The following KCNQ1 variants were observed in gnomAD, a reference collection of about 807,000 sequenced individuals.
KCNQ1 encodes the protein potassium voltage-gated channel subfamily Q member 1.
In KCNQ1, 49 loss-of-function variants were observed where a neutral mutation model predicts 72.4. The observed-to-expected ratio is 0.68, with a 90% CI of 0.54 to 0.86. The LOEUF (loss-of-function observed/expected upper bound fraction) is 0.86, where lower values mean the gene tolerates loss of function less well. KCNQ1 is among the 40% of genes least tolerant of loss of function. KCNQ1 has a pLI of 0.00. For synonymous variants in KCNQ1, 450 were observed against 412.6 expected (o/e 1.09, Z -1.10); for missense variants, 790 against 945.1 (o/e 0.84, Z 2.15).
At chr11:2,575,057 T>G (rs545628803) in intron 6 of KCNQ1, among the ~76,000 whole-genome samples, 1 of 152,248 alleles carries the variant, frequency 6.6e-6, no homozygotes, top group East Asian at 1.9e-4. Flanking sequence ...CAAAAGCCAG[T>G]GGGTACTGGC....
At chr11:2,650,753 C>A in intron 10 of KCNQ1, 2 of 398,586 alleles carry the variant, frequency 5.0e-6, no homozygotes, top group Non-Finnish European at 8.8e-6. Context: ...ACTTTGCTAC[C>A]CACAGGCAAT....
Position 2,449,689 on chromosome 11 carries a change from C to T in KCNQ1, c.386+4205C>T, listed in dbSNP as rs558439008. ...GGGCAGCTGAGATGGGCAGGAGCAC[C>T]GTGCCCACCGAGGGTGTCAGAGTGA... On this transcript the variant is annotated intron_variant, in intron 1 of 15. Coordinates refer to ENST00000155840, the MANE Select transcript of KCNQ1 (RefSeq NM_000218.3). 7.2e-5 allele frequency among the ~76,000 whole-genome samples: 11 copies of T among 152,218 alleles called. No individual in the cohort carries two copies. The East Asian group carries it at 1.2e-3, about 16-fold the overall frequency.
intron 13 of KCNQ1, 79 bp from the exon 14 acceptor site, chr11:2,776,907 C>A: frequency 7.1e-7 from 1 of 1,405,152 alleles, no homozygotes; most frequent in Non-Finnish European, 1.0e-6. Flanking sequence ...GCACGTCAAG[C>A]TGTCTGTCCC....
In KCNQ1 at chr11:2,463,601, ACTGGGG is replaced by A. The variant is rs1421042500; in HGVS notation, c.386+18131_386+18136del. Among the ~76,000 whole-genome samples, 5 of 151,976 alleles carry A rather than the reference ACTGGGG, an allele frequency of 3.3e-5. No homozygotes were observed. Among genetic ancestry groups the A allele is most frequent in the African/African-American group, 4.8e-5 (2 of 41,362 alleles). On this transcript the variant is annotated intron_variant, in intron 1 of 15. Transcript: ENST00000155840. This position sits in a 1 kb window ranked among gnomAD's most constrained non-coding sequence, Gnocchi z 7.0. ...CCTGGGCACCCTGCCTCTTCCGGGGACTGGGGCTGGGGCTGGGGCAGCTGTGTTTAT... is the reference window on the plus strand; with the variant it reads ...CCTGGGCACCCTGCCTCTTCCGGGGACTGGGGCTGGGGCAGCTGTGTTTAT...
intron 11 of KCNQ1, chr11:2,699,527 G>T (rs1471127341): frequency 3.3e-5 from 11 of 335,508 alleles, no homozygotes; most frequent in Non-Finnish European, 5.6e-5. Flanking sequence ...AGAGTGCCGC[G>T]CTGAGGAGGC....
intron 1 of KCNQ1, among the ~76,000 whole-genome samples, chr11:2,518,593 G>A (rs1122602): frequency 6.6e-6 from 1 of 152,216 alleles, no homozygotes; most frequent in Non-Finnish European, 1.5e-5. Context: ...GCTGGGGACA[G>A]CCTTGGTCCT....
chr11:2,798,605 G>T (rs79600964), intron 15 of KCNQ1, among the ~76,000 whole-genome samples: 1 of 151,124 alleles, frequency 6.6e-6, no homozygotes, highest in South Asian at 2.1e-4. Context: ...CAAACAGAAC[G>T]AATTTTCTTG....
At chr11:2,757,100 T>C (rs1590070779) in intron 11 of KCNQ1, among the ~76,000 whole-genome samples, 1 of 152,100 alleles carries the variant, frequency 6.6e-6, no homozygotes, top group South Asian at 2.1e-4. Context: ...TACTGGAAGT[T>C]CCAGCCACTG....
At position 2,621,555 on chromosome 11, in the gene KCNQ1, T is replaced by G. The variant is rs951330797; in HGVS notation, c.1393+32701T>G. The G allele has an allele frequency of 7.5e-6, 3 of 398,404 alleles. No homozygotes were observed. The highest frequency in any genetic ancestry group is 6.2e-5 in the African/African-American group (3 of 48,622). The allele number at this position is 398,404 out of a possible 1,614,324, so 24.7% of individuals were successfully genotyped here. On this transcript the variant is annotated intron_variant, in intron 10 of 15. Transcript: ENST00000155840. The surrounding 1 kb of genome is among the most constrained non-coding windows in gnomAD (Gnocchi z 5.7). ...ATGCAGAAGCTCTTTAGTTTACCACTGTGATCTCTTTGCTATTGGTCTGTT... is the reference window on the plus strand; with the variant it reads ...ATGCAGAAGCTCTTTAGTTTACCACGGTGATCTCTTTGCTATTGGTCTGTT...
At position 2,720,167 on chromosome 11, in the gene KCNQ1, G is replaced by A. The variant is rs1400123651; in HGVS notation, c.1515-48677G>A. Among the ~76,000 whole-genome samples the A allele has an allele frequency of 6.6e-6, 1 of 151,892 alleles. No individual in the cohort carries two copies. Among genetic ancestry groups the A allele is most frequent in the African/African-American group, 2.4e-5 (1 of 41,428 alleles). On this transcript the variant is annotated intron_variant, in intron 11 of 15. Transcript: ENST00000155840. This position sits in a 1 kb window ranked among gnomAD's most constrained non-coding sequence, Gnocchi z 5.1. The stretch of plus-strand genomic sequence containing the variant: ...GCAAGGAGACGCTTCTAGTATGTTA[G>A]ACAGCACAGTCTTCCAAATGGACTG...
rs759810151 is a variant in KCNQ1 at position 2,468,740 on chromosome 11, T to G, written c.386+23256T>G. On this transcript the variant is annotated intron_variant, in intron 1 of 15. Transcript: ENST00000155840. This position sits in a 1 kb window ranked among gnomAD's most constrained non-coding sequence, Gnocchi z 5.7. ...ATGATTTTGAGCTGTGTGTCTGTTG[T>G]GTGTGTCGGCCTGTTGTTTGGGTAG... 2.6e-5 allele frequency among the ~76,000 whole-genome samples: 4 copies of G among 152,228 alleles called. No homozygotes were observed. The highest frequency in any genetic ancestry group is 5.9e-5 in the Non-Finnish European group (4 of 68,040).
chr11:2,657,507 A>G lies in KCNQ1; in HGVS notation c.1394-4454A>G. The stretch of plus-strand genomic sequence containing the variant: ...TTACCTCACATTTTTTATTTACAGA[A>G]GAGAAACAAAAATAGTACCGAGTAC... On this transcript the variant is annotated intron_variant, in intron 10 of 15. Coordinates refer to ENST00000155840, the MANE Select transcript of KCNQ1 (RefSeq NM_000218.3). The surrounding 1 kb of genome is among the most constrained non-coding windows in gnomAD (Gnocchi z 4.8). 1 of 398,598 alleles carries G rather than the reference A, an allele frequency of 2.5e-6. No homozygotes were observed. 24.7% of individuals were successfully genotyped at this position (398,598 alleles called of 1,614,324 possible). A position where few individuals can be genotyped will look rare whatever the true frequency, so the allele number is the denominator to read the frequency against.
intron 5 of KCNQ1, 145 bp from the exon 6 acceptor site, chr11:2,572,701 A>G (rs1848355970): frequency 9.6e-7 from 1 of 1,045,702 alleles, no homozygotes; most frequent in South Asian, 1.4e-5. Flanking sequence ...AGTGGGCTAT[A>G]TTGAAGCCGG....
chr11:2,504,533 C>T (rs1847069742), intron 1 of KCNQ1, among the ~76,000 whole-genome samples: 2 of 152,134 alleles, frequency 1.3e-5, no homozygotes, highest in South Asian at 2.1e-4. Flanking sequence ...AGTCATATGA[C>T]TCACTTAAGG....
rs542079442 is a variant in KCNQ1 at position 2,669,206 on chromosome 11, A to G, written c.1514+7125A>G. 2.5e-6 allele frequency: 1 copy of G among 398,704 alleles called. No individual in the cohort carries two copies. The highest frequency in any genetic ancestry group is 1.3e-4 in the South Asian group (1 of 7,856). The allele number at this position is 398,704 out of a possible 1,614,324, so 24.7% of individuals were successfully genotyped here. On this transcript the variant is annotated intron_variant, in intron 11 of 15. Transcript: ENST00000155840. This position sits in a 1 kb window ranked among gnomAD's most constrained non-coding sequence, Gnocchi z 5.6. ...GCTTCCTTCTCACTGTAGTTTGCTA[A>G]CAGGTTTTGACAGCTGGTCCTGCTG...
rs1849154511 is a variant in KCNQ1 at position 2,620,651 on chromosome 11, A to T, written c.1393+31797A>T. 2.5e-6 allele frequency: 1 copy of T among 398,458 alleles called. No individual in the cohort carries two copies. Among genetic ancestry groups the T allele is most frequent in the East Asian group, 3.6e-5 (1 of 28,066 alleles). 24.7% of individuals were successfully genotyped at this position (398,458 alleles called of 1,614,324 possible). A position where few individuals can be genotyped will look rare whatever the true frequency, so the allele number is the denominator to read the frequency against. Reference sequence around the variant, plus strand: ...TTGTGAATAGTGCTGTGATGAACATACAAATGCATGTGTCTTTTTGATAGA... The same window carrying T: ...TTGTGAATAGTGCTGTGATGAACATTCAAATGCATGTGTCTTTTTGATAGA... On this transcript the variant is annotated intron_variant, in intron 10 of 15. Coordinates refer to ENST00000155840, the MANE Select transcript of KCNQ1 (RefSeq NM_000218.3). This position sits in a 1 kb window ranked among gnomAD's most constrained non-coding sequence, Gnocchi z 4.5.
At chr11:2,616,660 G>C (rs1849069587) in intron 10 of KCNQ1, 2 of 398,126 alleles carry the variant, frequency 5.0e-6, no homozygotes, top group Admixed American at 8.8e-5. Context: ...TTTTTAAAGA[G>C]TGTGTAGTTT....
rs887867605 is a variant in KCNQ1, at chr11:2,818,615, C to T, written c.1795-29152C>T. 1.3e-4 allele frequency among the ~76,000 whole-genome samples: 20 copies of T among 152,172 alleles called. No homozygotes were observed. The highest frequency in any genetic ancestry group is 2.9e-4 in the African/African-American group (12 of 41,436). On this transcript the variant is annotated intron_variant, in intron 15 of 15. Transcript: ENST00000155840. This position sits in a 1 kb window ranked among gnomAD's most constrained non-coding sequence, Gnocchi z 7.2. The stretch of plus-strand genomic sequence containing the variant: ...TTGGAGGCTGGAAGCCCCCGGAATG[C>T]GGCCCACCCTGTCTCCAGTTGTTCC...
intron 11 of KCNQ1, among the ~76,000 whole-genome samples, chr11:2,732,455 C>T (rs777122096): frequency 5.9e-5 from 9 of 152,226 alleles, no homozygotes; most frequent in Non-Finnish European, 1.3e-4. Flanking sequence ...TTTCTTCCCT[C>T]GCCTTTGCTG....
Sources: gnomAD v4.1 joint callset for allele counts (sites outside exome capture counted in the v4.1 genomes callset) on GRCh38, gnomAD v4.1.1 for gene constraint, Gnocchi (gnomAD v3.1) non-coding constraint, MANE v1.5 for transcripts, NCBI Gene and HGNC (gene_info 2026-07-23, HGNC 2026-07-21) for gene names.